Variants in PDLIM5 observed in about 807,000 individuals in gnomAD.
PDLIM5 encodes PDZ and LIM domain protein 5.
PDLIM5 carries 34 observed loss-of-function variants against 64.2 expected under a neutral mutation model. The observed-to-expected ratio is 0.53, with a 90% CI of 0.40 to 0.71. PDLIM5 has a LOEUF of 0.71. PDLIM5 is among the 30% of genes least tolerant of loss of function. PDLIM5 has a pLI of 0.00. For missense variants in PDLIM5, 683 were observed against 733.6 expected, an observed-to-expected ratio of 0.93 and a Z score of 0.80; for synonymous variants, 253 against 269.1, an observed-to-expected ratio of 0.94 and a Z score of 0.59.
chr4:94,559,343 A>C (rs911831795), intron 3 of PDLIM5, among the ~76,000 whole-genome samples: 1 of 152,184 alleles, frequency 6.6e-6, no homozygotes, highest in Non-Finnish European at 1.5e-5. Flanking sequence ...CTGTTGCCAA[A>C]CATTTCTTCT....
intron 5 of PDLIM5, among the ~76,000 whole-genome samples, chr4:94,578,341 G>C (rs1735456082): frequency 6.6e-6 from 1 of 152,154 alleles, no homozygotes; most frequent in Non-Finnish European, 1.5e-5. Context: ...TCAATTGGCA[G>C]TGTTTATTAA....
intron 3 of PDLIM5, chr4:94,549,851 C>A (rs559226564): frequency 6.6e-6 from 1 of 152,226 alleles, no homozygotes; most frequent in South Asian, 2.1e-4. Context: ...ATCGCTTGAA[C>A]CCAGGAGGTG....
intron 3 of PDLIM5, among the ~76,000 whole-genome samples, chr4:94,558,936 AT>A (rs146555176): frequency 6.0e-5 from 9 of 151,174 alleles, no homozygotes; most frequent in South Asian, 2.1e-4. Context: ...AGTTATGATA[AT>A]TTTTTTTTGT....
chr4:94,509,053 G>A (rs992279980), intron 2 of PDLIM5, among the ~76,000 whole-genome samples: 1 of 152,100 alleles, frequency 6.6e-6, no homozygotes, highest in Non-Finnish European at 1.5e-5. Context: ...ATCATCTCTT[G>A]AGAAACTGTC....
intron 2 of PDLIM5, among the ~76,000 whole-genome samples, chr4:94,522,469 G>A (rs896487919): frequency 6.6e-6 from 1 of 151,942 alleles, no homozygotes; most frequent in Non-Finnish European, 1.5e-5. Flanking sequence ...TCTGCCTCCC[G>A]GGTTCAAGCA....
chr4:94,499,646 C>T (rs1286173511), intron 2 of PDLIM5, among the ~76,000 whole-genome samples: 1 of 152,162 alleles, frequency 6.6e-6, no homozygotes, highest in Non-Finnish European at 1.5e-5. Flanking sequence ...ATATAAGGCA[C>T]TAGTCCCCAG....
chr4:94,625,295 C>G (rs1267563786), intron 8 of PDLIM5, among the ~76,000 whole-genome samples: 1 of 152,160 alleles, frequency 6.6e-6, no homozygotes, highest in Non-Finnish European at 1.5e-5. Context: ...CCTGTTTACT[C>G]TCATGTCCCT....
intron 3 of PDLIM5, among the ~76,000 whole-genome samples, chr4:94,540,590 G>A (rs143537421): frequency 6.6e-6 from 1 of 152,292 alleles, no homozygotes; most frequent in East Asian, 1.9e-4. Flanking sequence ...GGGAACTAAT[G>A]AAGGCCTGGG....
intron 7 of PDLIM5, among the ~76,000 whole-genome samples, chr4:94,614,835 G>A (rs1738644613): frequency 6.6e-6 from 1 of 152,180 alleles, no homozygotes; most frequent in Admixed American, 6.5e-5. Context: ...ACTTTAAGAA[G>A]TATTGTGTGT....
At chr4:94,460,979 A>G (rs1723827092) in intron 2 of PDLIM5, among the ~76,000 whole-genome samples, 1 of 152,214 alleles carries the variant, frequency 6.6e-6, no homozygotes, top group African/African-American at 2.4e-5. Flanking sequence ...TGCTAGTCAC[A>G]CTACATGTGA....
At chr4:94,644,837 C>T (rs1369068813) in intron 9 of PDLIM5, among the ~76,000 whole-genome samples, 1 of 152,132 alleles carries the variant, frequency 6.6e-6, no homozygotes, top group Non-Finnish European at 1.5e-5. Context: ...CCACCACACC[C>T]AGCCCATGCC....
chr4:94,565,625 A>T (rs1734254257), intron 3 of PDLIM5, among the ~76,000 whole-genome samples: 1 of 152,228 alleles, frequency 6.6e-6, no homozygotes, highest in Admixed American at 6.5e-5. Context: ...TAGAACACCC[A>T]ATTTAGCACC....
intron 3 of PDLIM5, among the ~76,000 whole-genome samples, chr4:94,560,567 A>G (rs1187382456): frequency 1.3e-5 from 2 of 152,170 alleles, no homozygotes; most frequent in African/African-American, 4.8e-5. Context: ...TCTTACAGGC[A>G]AGGAAACTGA....
intron 7 of PDLIM5, among the ~76,000 whole-genome samples, chr4:94,603,311 G>T (rs1737644211): frequency 6.6e-6 from 1 of 152,150 alleles, no homozygotes; most frequent in Admixed American, 6.5e-5. Context: ...AAAACACAGG[G>T]GCTGGAAGGG....
chr4:94,484,237 A>G (rs1472178394), intron 2 of PDLIM5, among the ~76,000 whole-genome samples: 2 of 152,172 alleles, frequency 1.3e-5, no homozygotes, highest in African/African-American at 4.8e-5. Flanking sequence ...TCCCATTGAA[A>G]TAATATTTTT....
chr4:94,551,347 C>CT (rs1560696348), intron 3 of PDLIM5, among the ~76,000 whole-genome samples: 1 of 152,074 alleles, frequency 6.6e-6, no homozygotes, highest in Non-Finnish European at 1.5e-5. Context: ...AGATTTAACT[C>CT]TGTTTGCAAA....
chr4:94,544,623 G>T (rs1732143533), intron 3 of PDLIM5, among the ~76,000 whole-genome samples: 1 of 152,114 alleles, frequency 6.6e-6, no homozygotes, highest in Non-Finnish European at 1.5e-5. Flanking sequence ...TTTGTAGAGG[G>T]TCTGTTTTGA....
intron 3 of PDLIM5, 68 bp downstream of exon 3, chr4:94,523,943 C>G: frequency 8.5e-7 from 1 of 1,173,684 alleles, no homozygotes; most frequent in Admixed American, 1.9e-5. Flanking sequence ...GTGTGTCTGA[C>G]TCACGGTGTT....
At chr4:94,508,428 G>A (rs2110098397) in intron 2 of PDLIM5, among the ~76,000 whole-genome samples, 1 of 152,344 alleles carries the variant, frequency 6.6e-6, no homozygotes, top group South Asian at 2.1e-4. Context: ...GGCTCCCTTG[G>A]AGGTCAGAAA....
Sources: gnomAD v4.1 joint callset for allele counts (sites outside exome capture counted in the v4.1 genomes callset) on GRCh38, gnomAD v4.1.1 for gene constraint, MANE v1.5 for transcripts, NCBI Gene and HGNC (gene_info 2026-07-23, HGNC 2026-07-21) for gene names.